Variants in SLC5A4 observed in about 807,000 individuals in gnomAD.
The protein encoded by SLC5A4 is probable glucose sensor protein SLC5A4.
In SLC5A4, 55 loss-of-function variants were observed where a neutral mutation model predicts 70.3. The observed-to-expected ratio is 0.78, with a 90% CI of 0.63 to 0.98. SLC5A4 has a LOEUF of 0.98. Ranked by LOEUF, SLC5A4 falls within the 50% of genes least tolerant of loss-of-function variation. The pLI is 0.00. For missense variants in SLC5A4, 735 were observed against 839.2 expected (o/e 0.88, Z 1.53); for synonymous variants, 268 against 305.7 (o/e 0.88, Z 1.29).
At chr22:32,317,600 C>A in the SLC5A4 span, among the ~76,000 whole-genome samples, 4 of 152,124 alleles carry the variant, frequency 2.6e-5, no homozygotes, top group African/African-American at 9.7e-5. Context: ...GTAGCTAAGA[C>A]TACAGGTGTG....
rs142506993 is a variant in SLC5A4 at position 32,237,311 on chromosome 22, C to T, written c.597G>A (p.Ser199=). 125 of 1,601,900 alleles carry T rather than the reference C, an allele frequency of 7.8e-5. No individual in the cohort carries two copies. Among genetic ancestry groups the T allele is most frequent in the Non-Finnish European group, 9.0e-5 (106 of 1,174,336 alleles). Residue 199 remains serine (S), a synonymous_variant, in exon 7 of 15, where the codon TCG becomes TCA. Transcript: ENST00000266086. ...TCTGGAGGGTGTCTGTGTAAATCAC[C>T]GAGGCCAAGCCCCCTAGTGAGAGAA... is the stretch of plus-strand genomic sequence containing the variant. ...AVYTTTGGLA[S]VIYTDTLQTI...
the SLC5A4 span, among the ~76,000 whole-genome samples, chr22:32,305,841 C>A: frequency 1.3e-5 from 2 of 151,370 alleles, no homozygotes; most frequent in African/African-American, 2.4e-5. Flanking sequence ...TGTCCCCCCA[C>A]CCCCCACGTG....
At chr22:32,260,539 C>CA in the SLC5A4 span, among the ~76,000 whole-genome samples, 1 of 148,620 alleles carries the variant, frequency 6.7e-6, no homozygotes, top group African/African-American at 2.5e-5. Context: ...AAAACAAAAA[C>CA]AAAAACCCAC....
chr22:32,341,960 A>C, the SLC5A4 span, among the ~76,000 whole-genome samples: 1 of 152,094 alleles, frequency 6.6e-6, no homozygotes, highest in African/African-American at 2.4e-5. Context: ...GACATTTAAC[A>C]CTACTTGAAA....
At chr22:32,230,132 G>A (rs1227748242) in intron 10 of SLC5A4, among the ~76,000 whole-genome samples, 1 of 152,142 alleles carries the variant, frequency 6.6e-6, no homozygotes, top group Non-Finnish European at 1.5e-5. Context: ...GTGTGTGGAT[G>A]GGAAGCATGT....
chr22:32,351,744 AGGGCGGGGGGG>A, the SLC5A4 span, among the ~76,000 whole-genome samples: 3 of 1,536 alleles, frequency 2.0e-3, no homozygotes, highest in Admixed American at 6.8e-3. Flanking sequence ...CGGTGGGGGG[AGGGCGGGGGGG>A]GGGTGGGCGG....
At chr22:32,353,845 G>A in the SLC5A4 span, among the ~76,000 whole-genome samples, 1 of 150,550 alleles carries the variant, frequency 6.6e-6, no homozygotes, top group Admixed American at 6.6e-5. Flanking sequence ...CCCTGCTGGG[G>A]GCAGTAATGC....
At chr22:32,335,498 C>T in the SLC5A4 span, among the ~76,000 whole-genome samples, 1 of 152,144 alleles carries the variant, frequency 6.6e-6, no homozygotes, top group Non-Finnish European at 1.5e-5. Flanking sequence ...TTCCTATGAG[C>T]GGAGTACGGA....
chr22:32,310,837 A>G, the SLC5A4 span, among the ~76,000 whole-genome samples: 6 of 152,162 alleles, frequency 3.9e-5, no homozygotes, highest in African/African-American at 1.4e-4. Context: ...TGCCCTAGCA[A>G]GTTTGTTCTG....
chr22:32,352,468 G>C, the SLC5A4 span, among the ~76,000 whole-genome samples: 3 of 151,226 alleles, frequency 2.0e-5, no homozygotes, highest in Non-Finnish European at 2.9e-5. Context: ...TACACAAATA[G>C]TTACCCCCCA....
the SLC5A4 span, among the ~76,000 whole-genome samples, chr22:32,302,259 T>G: frequency 7.2e-5 from 5 of 69,170 alleles, no homozygotes; most frequent in Admixed American, 2.9e-4. Flanking sequence ...TGTTTTTTTT[T>G]TTTGTGTCTA....
chr22:32,319,058 CAAGT>C, the SLC5A4 span, among the ~76,000 whole-genome samples: 2 of 152,326 alleles, frequency 1.3e-5, no homozygotes, highest in South Asian at 4.1e-4. Context: ...ACAGAACCAA[CAAGT>C]AAGGGGGAAT....
chr22:32,310,056 G>GGGAGGGGGGAGGGA, the SLC5A4 span, among the ~76,000 whole-genome samples: 1 of 149,148 alleles, frequency 6.7e-6, no homozygotes, highest in Admixed American at 6.7e-5. Flanking sequence ...CAGCGGGGTG[G>GGGAGGGGGGAGGGA]GGAGGGGGGA....
At chr22:32,340,223 G>A in the SLC5A4 span, among the ~76,000 whole-genome samples, 1 of 152,180 alleles carries the variant, frequency 6.6e-6, no homozygotes, top group South Asian at 2.1e-4. Flanking sequence ...GGCACAATTT[G>A]TTACAGCTGC....
the SLC5A4 span, among the ~76,000 whole-genome samples, chr22:32,344,998 A>G: frequency 6.6e-6 from 1 of 152,208 alleles, no homozygotes; most frequent in African/African-American, 2.4e-5. Flanking sequence ...TAAGGCTTAC[A>G]TACTTTAGTA....
At chr22:32,245,404 A>G (rs929838638) in intron 5 of SLC5A4, among the ~76,000 whole-genome samples, 3 of 152,020 alleles carry the variant, frequency 2.0e-5, no homozygotes, top group African/African-American at 7.2e-5. Context: ...GTCCCTCCCC[A>G]TCCACCAGTG....
At chr22:32,249,202 A>G (rs1927003678) in intron 3 of SLC5A4, among the ~76,000 whole-genome samples, 3 of 152,218 alleles carry the variant, frequency 2.0e-5, no homozygotes, top group Admixed American at 1.3e-4. Context: ...CAGTGACGAT[A>G]ATAATATAAT....
chr22:32,271,311 C>T, the SLC5A4 span: 1 of 742,702 alleles, frequency 1.3e-6, no homozygotes. Flanking sequence ...GGGAGGAGGC[C>T]ATGTGCCAGG....
chr22:32,275,479 G>C, the SLC5A4 span, among the ~76,000 whole-genome samples: 1 of 151,978 alleles, frequency 6.6e-6, no homozygotes, highest in Non-Finnish European at 1.5e-5. Context: ...TTGGTTTTTT[G>C]TCCTTGCGAT....
Sources: allele counts gnomAD v4.1 joint callset (sites outside exome capture counted in the v4.1 genomes callset), GRCh38; gene constraint gnomAD v4.1.1; transcripts MANE v1.5; gene names NCBI Gene and HGNC (gene_info 2026-07-23, HGNC 2026-07-21).